KCNMA1: variants seen among roughly 807,000 people sequenced by gnomAD.
KCNMA1 encodes potassium calcium-activated channel subfamily M alpha 1, also known as Calcium-activated potassium channel subunit alpha-1.
Under a neutral mutation model 140.0 loss-of-function variants are expected in KCNMA1, and 29 were observed. The ratio of observed to expected loss-of-function variants is 0.21; its 90% CI spans 0.15 to 0.28. KCNMA1 has a LOEUF of 0.28. Among genes scored for constraint, KCNMA1 ranks in the 10% least tolerant of loss-of-function variants. The probability of loss-of-function intolerance (pLI) is 1.00; values close to 1 mark genes in which losing one functional copy is unlikely to be tolerated. For missense variants in KCNMA1, 880 were observed against 1,602.2 expected, an observed-to-expected ratio of 0.55 and a Z score of 7.70; for synonymous variants, 612 against 611.9, an observed-to-expected ratio of 1.00 and a Z score of 0.00.
chr10:77,568,217 C>T (rs1448817794), intron 1 of KCNMA1, among the ~76,000 whole-genome samples: 1 of 152,190 alleles, frequency 6.6e-6, no homozygotes, highest in Non-Finnish European at 1.5e-5. Flanking sequence ...AGAGGGAATC[C>T]TCCCTAACTC....
chr10:76,944,784 G>A lies in KCNMA1; in HGVS notation c.2891C>T (p.Ala964Val). Residue 964 changes from alanine (A) to valine (V), a missense_variant, in exon 23 of 28, where the codon GCT becomes GTT. Coordinates refer to ENST00000286628, the MANE Select transcript of KCNMA1 (RefSeq NM_001161352.2). ...CAGGCTGTCCTTACCTTGGGAATTA[G>A]CCTGCAAGACTCCGATGCTGTCATC... ...QFDDSIGVLQANSQGFTPPGM... is the reference protein window; with the variant it reads ...QFDDSIGVLQVNSQGFTPPGM... The A allele has an allele frequency of 6.2e-7, 1 of 1,614,062 alleles. No homozygotes were observed. Among genetic ancestry groups the A allele is most frequent in the Non-Finnish European group, 8.5e-7 (1 of 1,179,940 alleles).
In KCNMA1 at chr10:77,376,099, C is replaced by T. The variant is rs112210569; in HGVS notation, c.540+27763G>A. 4.9e-3 allele frequency among the ~76,000 whole-genome samples: 751 copies of T among 152,338 alleles called. 6 individuals are homozygous for T. Among genetic ancestry groups the T allele is most frequent in the African/African-American group, 0.017 (707 of 41,576 alleles). On this transcript the variant is annotated intron_variant, in intron 2 of 27. Coordinates refer to ENST00000286628, the MANE Select transcript of KCNMA1 (RefSeq NM_001161352.2). ...CCAGAGTTAAAACTCAGACAGGCCA[C>T]GGTCCTTGGTCATTCTAGGTCCAAG... is the stretch of plus-strand genomic sequence containing the variant.
chr10:77,327,738 T>C (rs1435634563), intron 2 of KCNMA1, among the ~76,000 whole-genome samples: 1 of 151,826 alleles, frequency 6.6e-6, no homozygotes, highest in Non-Finnish European at 1.5e-5. Context: ...CTGCCCACAA[T>C]GGTGTAAAGA....
At chr10:77,063,824 A>C (rs2095844292) in intron 14 of KCNMA1, 9 of 985,438 alleles carry the variant, frequency 9.1e-6, no homozygotes, top group Non-Finnish European at 1.1e-5. Flanking sequence ...GTGGATACCC[A>C]GGTGGACTCA....
intron 5 of KCNMA1, among the ~76,000 whole-genome samples, chr10:77,167,444 T>C (rs971318975): frequency 2.0e-5 from 3 of 152,186 alleles, no homozygotes; most frequent in South Asian, 2.1e-4. Flanking sequence ...CTGGGGTTTA[T>C]AGATTCATCT....
chr10:77,341,131 G>T (rs1157702981), intron 2 of KCNMA1, among the ~76,000 whole-genome samples: 1 of 152,160 alleles, frequency 6.6e-6, no homozygotes, highest in Non-Finnish European at 1.5e-5. Flanking sequence ...TGTGATCTTA[G>T]ACACCTCACC....
intron 23 of KCNMA1, among the ~76,000 whole-genome samples, chr10:76,937,412 C>G (rs1015866471): frequency 6.6e-6 from 1 of 152,190 alleles, no homozygotes. Context: ...ACATTCCCTC[C>G]TATCCCAACA....
At chr10:77,226,819 A>T (rs1341845049) in intron 3 of KCNMA1, among the ~76,000 whole-genome samples, 1 of 152,130 alleles carries the variant, frequency 6.6e-6, no homozygotes. Flanking sequence ...GGACAGCCAC[A>T]TACTCCTGAG....
At chr10:77,157,031 CTCTT>C (rs761925885) in intron 5 of KCNMA1, among the ~76,000 whole-genome samples, 1 of 152,192 alleles carries the variant, frequency 6.6e-6, no homozygotes, top group African/African-American at 2.4e-5. Flanking sequence ...ATTAATTAAA[CTCTT>C]TCTTTACAGC....
intron 14 of KCNMA1, among the ~76,000 whole-genome samples, chr10:77,042,428 T>A (rs761762167): frequency 5.3e-5 from 8 of 152,206 alleles, no homozygotes; most frequent in Non-Finnish European, 1.0e-4. Flanking sequence ...TAACATAATT[T>A]GTTTTATTAA....
chr10:77,173,912 T>C (rs1005591904), intron 5 of KCNMA1, among the ~76,000 whole-genome samples: 9 of 152,094 alleles, frequency 5.9e-5, no homozygotes, highest in Admixed American at 3.3e-4. Context: ...AGTTATCAGA[T>C]GTCAAATAGC....
At position 77,217,155 on chromosome 10, in the gene KCNMA1, A is replaced by ATTAGC. The variant is rs113158235; in HGVS notation, c.603-32244_603-32240dup. On this transcript the variant is annotated intron_variant, in intron 3 of 27. Transcript: ENST00000286628. ...TCCCATCTCTACTAAAAATACAAAA[A>ATTAGC]TTAGCTAGGCATGGTGGCAGGTGCC... Among the ~76,000 whole-genome samples the ATTAGC allele has an allele frequency of 1.1e-3, 165 of 152,112 alleles. 1 individual carries two copies. Among genetic ancestry groups the ATTAGC allele is most frequent in the African/African-American group, 3.6e-3 (151 of 41,498 alleles).
intron 5 of KCNMA1, among the ~76,000 whole-genome samples, chr10:77,128,344 C>A (rs536460256): frequency 6.0e-4 from 91 of 150,932 alleles, no homozygotes; most frequent in Non-Finnish European, 1.2e-3. Flanking sequence ...ATCTTTCTAC[C>A]ATGTTCCCTT....
At chr10:77,373,828 T>G (rs2154417722) in intron 2 of KCNMA1, 1 of 152,194 alleles carries the variant, frequency 6.6e-6, no homozygotes, top group East Asian at 1.9e-4. Context: ...AGGAAGACTG[T>G]GAAAAAGGTA....
At chr10:77,187,503 C>T (rs1035229707) in intron 3 of KCNMA1, among the ~76,000 whole-genome samples, 3 of 152,164 alleles carry the variant, frequency 2.0e-5, no homozygotes, top group Non-Finnish European at 4.4e-5. Flanking sequence ...AATTTAGAAC[C>T]GATTTCATCA....
chr10:77,495,734 ACTGG>A (rs2041667218), intron 1 of KCNMA1, among the ~76,000 whole-genome samples: 1 of 152,230 alleles, frequency 6.6e-6, no homozygotes, highest in Admixed American at 6.5e-5. Flanking sequence ...CATACTGGTG[ACTGG>A]CTGTGCTCTG....
rs78608120 is a variant in KCNMA1, at chr10:77,174,458, T to A, written c.808+8963A>T. Among the ~76,000 whole-genome samples, 468 of 152,316 alleles carry A rather than the reference T, an allele frequency of 3.1e-3. 17 individuals are homozygous for A. In the East Asian group the frequency reaches 0.056, roughly 18 times the overall value. ...CGTGGTCCCACAGAACTGTCTATGA[T>A]GATGGAATGTTCCACATCTGTGCTG... On this transcript the variant is annotated intron_variant, in intron 5 of 27. Transcript: ENST00000286628.
rs201918957 is a variant in KCNMA1, at chr10:76,949,292, G to A, written c.2559C>T (p.Ala853=). 6.2e-7 allele frequency: 1 copy of A among 1,614,120 alleles called. No homozygotes were observed. The highest frequency in any genetic ancestry group is 8.5e-7 in the Non-Finnish European group (1 of 1,180,030). ...TCACCAGGTTCCGGAGGCCGATCAG[G>A]GCTGAGCTGACGTCGCCAAAGATGC... is the stretch of plus-strand genomic sequence containing the variant. ...VVCIFGDVSS[A]LIGLRNLVMP... The change falls in exon 22 of 28, where the codon GCC becomes GCT. Residue 853 remains alanine, a synonymous_variant. Coordinates refer to ENST00000286628, the MANE Select transcript of KCNMA1 (RefSeq NM_001161352.2).
At chr10:77,492,193 C>G (rs2040190316) in intron 1 of KCNMA1, among the ~76,000 whole-genome samples, 2 of 152,170 alleles carry the variant, frequency 1.3e-5, no homozygotes, top group Non-Finnish European at 2.9e-5. Flanking sequence ...TGGGCTGTCC[C>G]CAACCTGATG....
Sources: gnomAD v4.1 joint callset for allele counts (sites outside exome capture counted in the v4.1 genomes callset) on GRCh38, gnomAD v4.1.1 for gene constraint, MANE v1.5 for transcripts, NCBI Gene and HGNC (gene_info 2026-07-23, HGNC 2026-07-21) for gene names.